NFATC1: variants seen among roughly 807,000 people sequenced by gnomAD.
NFATC1 encodes nuclear factor of activated T cells 1, also known as nuclear factor of activated T-cells, cytoplasmic 1.
A neutral mutation model predicts 76.0 loss-of-function variants in NFATC1; 22 were observed. The ratio of observed to expected loss-of-function variants is 0.29; its 90% CI spans 0.21 to 0.41. The LOEUF (loss-of-function observed/expected upper bound fraction) is 0.41, where lower values mean the gene tolerates loss of function less well. Among genes scored for constraint, NFATC1 ranks in the 10% least tolerant of loss-of-function variants. The pLI is 1.00. For missense variants in NFATC1, 1,357 were observed against 1,337.7 expected (o/e 1.01, Z -0.23); for synonymous variants, 704 against 613.1 (o/e 1.15, Z -2.19).
intron 2 of NFATC1, among the ~76,000 whole-genome samples, chr18:79,429,496 G>A (rs1233152918): frequency 2.0e-5 from 3 of 152,242 alleles, no homozygotes; most frequent in Admixed American, 1.3e-4. Flanking sequence ...GCGAGTTGCC[G>A]TTCCGGGGGA....
intron 3 of NFATC1, among the ~76,000 whole-genome samples, chr18:79,444,050 T>C (rs2087092947): frequency 6.6e-6 from 1 of 152,206 alleles, no homozygotes; most frequent in African/African-American, 2.4e-5. Flanking sequence ...GAGGCCTCTC[T>C]CATGCACTCT....
intron 2 of NFATC1, among the ~76,000 whole-genome samples, chr18:79,414,889 G>A (rs1464480785): frequency 6.6e-6 from 1 of 152,226 alleles, no homozygotes; most frequent in Non-Finnish European, 1.5e-5. Context: ...GGAGGCCAGG[G>A]CGAGAGTGCA....
chr18:79,528,227 C>T lies in NFATC1; in HGVS notation c.*650C>T, dbSNP rs1348199158. Reference sequence around the variant, plus strand: ...CTTCCCTTGTCTGCGCGGTTGAAACCGTAGGCTTGTTCATAGTCGCATGCT... The same window carrying T: ...CTTCCCTTGTCTGCGCGGTTGAAACTGTAGGCTTGTTCATAGTCGCATGCT... On this transcript the variant is annotated 3_prime_UTR_variant, in exon 10 of 10. Transcript: ENST00000427363. The T allele has an allele frequency of 1.3e-5, 4 of 316,994 alleles. No individual in the cohort carries two copies. The highest frequency in any genetic ancestry group is 3.2e-4 in the South Asian group (2 of 6,244). 19.6% of individuals were successfully genotyped at this position (316,994 alleles called of 1,614,324 possible). A position where few individuals can be genotyped will look rare whatever the true frequency, so the allele number is the denominator to read the frequency against.
intron 9 of NFATC1, among the ~76,000 whole-genome samples, chr18:79,500,234 TCAA>T (rs2089984973): frequency 6.6e-6 from 1 of 152,048 alleles, no homozygotes; most frequent in African/African-American, 2.4e-5. Flanking sequence ...CAATTGAAAA[TCAA>T]CAACAGATAT....
At chr18:79,431,065 T>G (rs1377909348) in intron 2 of NFATC1, among the ~76,000 whole-genome samples, 1 of 152,216 alleles carries the variant, frequency 6.6e-6, no homozygotes, top group Non-Finnish European at 1.5e-5. Context: ...GTCTTGGAGA[T>G]TCCTCTGTCA....
intron 6 of NFATC1, 176 bp downstream of exon 6, chr18:79,451,992 G>A (rs911478557): frequency 1.8e-5 from 12 of 685,306 alleles, no homozygotes; most frequent in Middle Eastern, 4.4e-4. Flanking sequence ...GGGTTTTTGT[G>A]TGAGCCGACA....
intron 3 of NFATC1, among the ~76,000 whole-genome samples, chr18:79,437,543 G>C (rs2086824474): frequency 1.3e-5 from 2 of 152,236 alleles, no homozygotes; most frequent in Admixed American, 1.3e-4. Flanking sequence ...GCGTCCGCCT[G>C]CTGTCTGCTT....
chr18:79,415,444 G>C (rs113336061), intron 2 of NFATC1, among the ~76,000 whole-genome samples: 1 of 151,372 alleles, frequency 6.6e-6, no homozygotes, highest in East Asian at 2.0e-4. Context: ...CACCGCGCCC[G>C]GCTATTTTTT....
intron 9 of NFATC1, among the ~76,000 whole-genome samples, chr18:79,503,480 T>A (rs1278727103): frequency 1.3e-5 from 2 of 152,202 alleles, no homozygotes; most frequent in African/African-American, 4.8e-5. Context: ...TTATGAGCAG[T>A]TAAGTCTCAA....
chr18:79,439,896 G>A lies in NFATC1; in HGVS notation c.1386+6158G>A, dbSNP rs116382880. 3.5e-3 allele frequency among the ~76,000 whole-genome samples: 527 copies of A among 152,312 alleles called. 2 individuals are homozygous for A. The highest frequency in any genetic ancestry group is 0.012 in the African/African-American group (500 of 41,572). On this transcript the variant is annotated intron_variant, in intron 3 of 9. Coordinates refer to ENST00000427363, the MANE Select transcript of NFATC1 (RefSeq NM_001278669.2). ...CAGGAGACCAACGTGGAATGAGGTC[G>A]GCCCAGCCAGTCACTGCTTAAAAAC...
At chr18:79,420,498 G>C (rs1187693165) in intron 2 of NFATC1, among the ~76,000 whole-genome samples, 2 of 151,456 alleles carry the variant, frequency 1.3e-5, no homozygotes, top group Admixed American at 6.6e-5. Flanking sequence ...GCTGCAGAGA[G>C]GAAGAGGCAG....
chr18:79,452,125 T>C (rs1337070648), intron 6 of NFATC1: 1 of 225,762 alleles, frequency 4.4e-6, no homozygotes, highest in Admixed American at 5.8e-5. Flanking sequence ...GCAAGACGCA[T>C]TTGCTGGCTT....
At chr18:79,446,594 G>A (rs2087216248) in intron 3 of NFATC1, among the ~76,000 whole-genome samples, 1 of 152,154 alleles carries the variant, frequency 6.6e-6, no homozygotes, top group Admixed American at 6.5e-5. Context: ...CATTAACTTG[G>A]CAAACGGCTG....
At chr18:79,423,568 C>T (rs2086176696) in intron 2 of NFATC1, among the ~76,000 whole-genome samples, 1 of 152,304 alleles carries the variant, frequency 6.6e-6, no homozygotes, top group Non-Finnish European at 1.5e-5. Context: ...GCCGCTGGTG[C>T]CTGCACCACT....
chr18:79,480,729 G>C (rs1376685373), intron 8 of NFATC1, among the ~76,000 whole-genome samples: 2 of 152,208 alleles, frequency 1.3e-5, no homozygotes, highest in African/African-American at 2.4e-5. Context: ...GCCTTGGCCC[G>C]TGGGGCGGCT....
intron 6 of NFATC1, 55 bp downstream of exon 6, chr18:79,451,871 C>T (rs1167015813): frequency 1.5e-5 from 23 of 1,557,088 alleles, no homozygotes; most frequent in Admixed American, 1.8e-5. Context: ...TGGTGGGAAC[C>T]GGTTCCCAGT....
intron 3 of NFATC1, among the ~76,000 whole-genome samples, chr18:79,438,525 C>A (rs951621035): frequency 6.6e-6 from 1 of 152,242 alleles, no homozygotes; most frequent in African/African-American, 2.4e-5. Context: ...GCATCTCACC[C>A]ATCACACGGG....
intron 1 of NFATC1, among the ~76,000 whole-genome samples, chr18:79,401,410 C>A (rs1260557253): frequency 6.6e-6 from 1 of 152,218 alleles, no homozygotes; most frequent in South Asian, 2.1e-4. Context: ...CCAACCAAAC[C>A]TGTGCTGCCT....
intron 9 of NFATC1, among the ~76,000 whole-genome samples, chr18:79,502,514 GTACTAT>G (rs1195036797): frequency 6.6e-6 from 1 of 152,138 alleles, no homozygotes; most frequent in Non-Finnish European, 1.5e-5. Context: ...TGCTTCAAAA[GTACTAT>G]TAAGAAAATG....
Sources: gnomAD v4.1 joint callset for allele counts (sites outside exome capture counted in the v4.1 genomes callset) on GRCh38, gnomAD v4.1.1 for gene constraint, MANE v1.5 for transcripts, NCBI Gene and HGNC (gene_info 2026-07-23, HGNC 2026-07-21) for gene names.